The following CGGBP1 variants were observed in gnomAD, a reference collection of about 807,000 sequenced individuals.
The protein encoded by CGGBP1 is CGG triplet repeat-binding protein 1.
Under a neutral mutation model 11.4 loss-of-function variants are expected in CGGBP1, and 4 were observed. The observed-to-expected ratio is 0.35, with a 90% CI of 0.17 to 0.80. The LOEUF (loss-of-function observed/expected upper bound fraction) is 0.80, where lower values mean the gene tolerates loss of function less well. Among genes scored for constraint, CGGBP1 ranks in the 30% least tolerant of loss-of-function variants. The pLI is 0.52. For missense variants in CGGBP1, 135 were observed against 202.1 expected (o/e 0.67, Z 2.01); for synonymous variants, 76 against 74.1 (o/e 1.03, Z -0.13).
intron 2 of CGGBP1, among the ~76,000 whole-genome samples, chr3:88,107,941 A>G (rs1282592298): frequency 1.3e-5 from 2 of 151,988 alleles, no homozygotes; most frequent in East Asian, 3.9e-4. Context: ...GGCCTTGTTC[A>G]TAGTGCTGTG....
At chr3:88,134,608 T>TA (rs1313497681) in intron 2 of CGGBP1, among the ~76,000 whole-genome samples, 1 of 152,138 alleles carries the variant, frequency 6.6e-6, no homozygotes, top group Non-Finnish European at 1.5e-5. Flanking sequence ...ATACTATACT[T>TA]ACAGTTTTAA....
At chr3:88,074,275 G>C (rs1033664471) in intron 2 of CGGBP1, among the ~76,000 whole-genome samples, 51 of 151,722 alleles carry the variant, frequency 3.4e-4, no homozygotes, top group African/African-American at 1.2e-3. Flanking sequence ...TTCTTCCTCT[G>C]ATTGGGAGTG....
At chr3:88,122,561 C>T (rs1362977784) in intron 2 of CGGBP1, among the ~76,000 whole-genome samples, 4 of 152,036 alleles carry the variant, frequency 2.6e-5, no homozygotes. Context: ...TTCGCTCTAC[C>T]TTTGGCCAAG....
chr3:88,063,859 G>A (rs1707036629), upstream of CGGBP1, among the ~76,000 whole-genome samples: 2 of 152,012 alleles, frequency 1.3e-5, no homozygotes, highest in Non-Finnish European at 2.9e-5. Context: ...CATGATCCAG[G>A]GTAGTTGCTT....
At chr3:88,088,802 T>C (rs1225215050) in intron 2 of CGGBP1, among the ~76,000 whole-genome samples, 1 of 145,660 alleles carries the variant, frequency 6.9e-6, no homozygotes, top group Non-Finnish European at 1.5e-5. Context: ...GGATGGAGTC[T>C]GGCTCTGTCG....
chr3:88,129,054 A>G, intron 2 of CGGBP1: 1 of 1,378,808 alleles, frequency 7.3e-7, no homozygotes, highest in Non-Finnish European at 9.6e-7. Flanking sequence ...TTTTAACCCT[A>G]CCAAAAAAAA....
chr3:88,140,283 A>G (rs1326071501), intron 2 of CGGBP1: 1 of 1,613,802 alleles, frequency 6.2e-7, no homozygotes, highest in South Asian at 1.1e-5. Context: ...CTATTTAAGT[A>G]AAACACCAGA....
At chr3:88,086,502 A>C (rs950611120) in intron 2 of CGGBP1, 2 of 1,032,770 alleles carry the variant, frequency 1.9e-6, no homozygotes, top group African/African-American at 3.2e-5. Context: ...TTCCTAAAGT[A>C]TTCCCTCAAA....
chr3:88,147,792 T>C lies in CGGBP1; in HGVS notation c.-338+1919A>G, dbSNP rs537619342. 4.6e-5 allele frequency among the ~76,000 whole-genome samples: 7 copies of C among 152,270 alleles called. No individual in the cohort carries two copies. The South Asian group carries it at 1.0e-3, about 23-fold the overall frequency. The stretch of plus-strand genomic sequence containing the variant: ...GGGTGATTTTGCCCTGCAGGGGACA[T>C]GTAACAATGTCTGGAGGTAATTTTG... On this transcript the variant is annotated intron_variant, in intron 1 of 3. Coordinates refer to the CGGBP1 transcript ENST00000462901.
At chr3:88,146,724 C>G (rs1385684115) in intron 1 of CGGBP1, among the ~76,000 whole-genome samples, 1 of 152,138 alleles carries the variant, frequency 6.6e-6, no homozygotes, top group East Asian at 1.9e-4. Context: ...CACTACTATT[C>G]CCGTTTTACT....
At chr3:88,123,038 AAAAG>A (rs1406100441) in intron 2 of CGGBP1, among the ~76,000 whole-genome samples, 1 of 151,814 alleles carries the variant, frequency 6.6e-6, no homozygotes, top group African/African-American at 2.4e-5. Flanking sequence ...TAAAAAGAAA[AAAAG>A]AAAAATACAA....
chr3:88,066,574 ACAAAC>A (rs1159466352), intron 2 of CGGBP1, among the ~76,000 whole-genome samples: 10 of 152,038 alleles, frequency 6.6e-5, no homozygotes, highest in South Asian at 4.2e-4. Flanking sequence ...AAACAAACAA[ACAAAC>A]AAAAAAAACA....
Position 88,054,777 on chromosome 3 carries a change from A to G in CGGBP1, c.*696T>C, listed in dbSNP as rs558860577. 1 of 152,754 alleles carries G rather than the reference A, an allele frequency of 6.5e-6. No homozygotes were observed. The highest frequency in any genetic ancestry group is 2.1e-4 in the South Asian group (1 of 4,828). The allele number at this position is 152,754 out of a possible 1,614,324, so 9.5% of individuals were successfully genotyped here. A position where few individuals can be genotyped will look rare whatever the true frequency, so the allele number is the denominator to read the frequency against. ...TTAGTATTCATAGTAAGAGACTAAA[A>G]TCCTGTCACTGCAAAATTCCCCTTG... On this transcript the variant is annotated 3_prime_UTR_variant, in exon 4 of 4. Coordinates refer to ENST00000482016, the MANE Select transcript of CGGBP1 (RefSeq NM_001008390.2).
chr3:88,059,562 C>G, upstream of CGGBP1: 1 of 1,444,768 alleles, frequency 6.9e-7, no homozygotes, highest in South Asian at 1.5e-5. Flanking sequence ...CTCTCTGCGT[C>G]TCCTGGTCTT....
At chr3:88,102,930 A>G (rs1035822166) in intron 2 of CGGBP1, among the ~76,000 whole-genome samples, 12 of 149,262 alleles carry the variant, frequency 8.0e-5, no homozygotes, top group African/African-American at 3.0e-4. Flanking sequence ...GAATGGTCCC[A>G]TAACCCAGGT....
At chr3:88,139,423 G>A (rs752479735) in intron 2 of CGGBP1, 4 of 1,613,716 alleles carry the variant, frequency 2.5e-6, no homozygotes, top group Admixed American at 1.7e-5. Flanking sequence ...AGAAACAGAG[G>A]ACTTATGCAG....
intron 2 of CGGBP1, among the ~76,000 whole-genome samples, chr3:88,131,096 C>A (rs1375943586): frequency 6.6e-6 from 1 of 152,160 alleles, no homozygotes; most frequent in East Asian, 1.9e-4. Flanking sequence ...TCCTACTGCA[C>A]ATCTGGGCTA....
At chr3:88,131,960 C>T (rs1706491179) in intron 2 of CGGBP1, among the ~76,000 whole-genome samples, 1 of 152,066 alleles carries the variant, frequency 6.6e-6, no homozygotes. Context: ...TTTGCTGTAT[C>T]CCAAACCAAT....
At chr3:88,104,012 T>G (rs1463388899) in intron 2 of CGGBP1, among the ~76,000 whole-genome samples, 10 of 152,050 alleles carry the variant, frequency 6.6e-5, no homozygotes, top group Non-Finnish European at 5.9e-5. Context: ...TCCACCTGCC[T>G]CGGCCTCTGC....
Sources: gnomAD v4.1 joint callset for allele counts (sites outside exome capture counted in the v4.1 genomes callset) on GRCh38, gnomAD v4.1.1 for gene constraint, MANE v1.5 for transcripts, NCBI Gene and HGNC (gene_info 2026-07-23, HGNC 2026-07-21) for gene names.